STAB1: variants seen among roughly 807,000 people sequenced by gnomAD.
STAB1 encodes stabilin 1.
In STAB1, 250 loss-of-function variants were observed where a neutral mutation model predicts 332.4. The observed-to-expected ratio is 0.75, with a 90% confidence interval of 0.68 to 0.84. The LOEUF (loss-of-function observed/expected upper bound fraction) is 0.84. Among genes scored for constraint, STAB1 ranks in the 40% least tolerant of loss-of-function variants. The pLI is 0.00. For missense variants in STAB1, 3,249 were observed against 3,489.7 expected, an observed-to-expected ratio of 0.93 and a Z score of 1.74; for synonymous variants, 1,475 against 1,390.4, an observed-to-expected ratio of 1.06 and a Z score of -1.35.
rs756288346 is a variant in STAB1 at position 52,524,312 on chromosome 3, G to A, written c.7669G>A (p.Glu2557Lys). ...FCEPFDDSLL[E>K]EDFPDTQRIL... is the part of the protein sequence containing the mutation. ...CCTGCTCTTCTAGGACTCACTGCTG[G>A]AGGAGGACTTCCCTGACACCCAGAG... is the stretch of plus-strand genomic sequence containing the variant. The change falls in exon 69 of 69, where the codon GAG (glutamate) becomes AAG (lysine). Residue 2557 changes from glutamate to lysine, a missense_variant. Transcript: ENST00000321725. 2 of 1,613,808 alleles carry A rather than the reference G, an allele frequency of 1.2e-6. No individual in the cohort carries two copies. The highest frequency in any genetic ancestry group is 1.7e-6 in the Non-Finnish European group (2 of 1,180,022).
intron 1 of STAB1, among the ~76,000 whole-genome samples, chr3:52,500,119 G>C (rs1380785192): frequency 6.6e-6 from 1 of 152,030 alleles, no homozygotes; most frequent in Admixed American, 6.6e-5. Context: ...CCTGGACTCT[G>C]CCTCACCCAG....
chr3:52,524,479 G>A lies in STAB1; in HGVS notation c.*123G>A, dbSNP rs1225244181. 1 of 1,612,872 alleles carries A rather than the reference G, an allele frequency of 6.2e-7. No individual in the cohort carries two copies. Among genetic ancestry groups the A allele is most frequent in the Non-Finnish European group, 8.5e-7 (1 of 1,180,018 alleles). On this transcript the variant is annotated 3_prime_UTR_variant, in exon 69 of 69. Coordinates refer to ENST00000321725, the MANE Select transcript of STAB1 (RefSeq NM_015136.3). The stretch of plus-strand genomic sequence containing the variant: ...GACAATAAAGGTGCCCTCAGCGGAT[G>A]TGGGCCATGTCACCAAGGAAGGGGG...
rs1012592608 is a variant in STAB1 at position 52,524,477 on chromosome 3, A to G, written c.*121A>G. The G allele has an allele frequency of 3.7e-6, 6 of 1,612,672 alleles. No individual in the cohort carries two copies. Among genetic ancestry groups the G allele is most frequent in the Non-Finnish European group, 5.1e-6 (6 of 1,179,996 alleles). On this transcript the variant is annotated 3_prime_UTR_variant, in exon 69 of 69. Transcript: ENST00000321725. ...CAGACAATAAAGGTGCCCTCAGCGGATGTGGGCCATGTCACCAAGGAAGGG... is the reference window on the plus strand; with the variant it reads ...CAGACAATAAAGGTGCCCTCAGCGGGTGTGGGCCATGTCACCAAGGAAGGG...
Position 52,498,841 on chromosome 3 carries a change from T to C in STAB1, c.79-2325T>C, listed in dbSNP as rs1250547686. Among the ~76,000 whole-genome samples, 4 of 152,202 alleles carry C rather than the reference T, an allele frequency of 2.6e-5. No individual in the cohort carries two copies. The East Asian group carries it at 7.7e-4, about 29-fold the overall frequency. On this transcript the variant is annotated intron_variant, in intron 1 of 68. Transcript: ENST00000321725. ...CCCAATTTCCTAGTCTCTCCCTGGCTCAGCAAAGGCGAGCCTCAGGATGGG... is the reference window on the plus strand; with the variant it reads ...CCCAATTTCCTAGTCTCTCCCTGGCCCAGCAAAGGCGAGCCTCAGGATGGG...
intron 8 of STAB1, 65 bp from the exon 9 acceptor site, chr3:52,503,707 A>G (rs547302173): frequency 6.2e-7 from 1 of 1,603,900 alleles, no homozygotes; most frequent in East Asian, 2.2e-5. Context: ...CTCTATGGGT[A>G]GGGCAGACAC....
chr3:52,523,198 A>G, intron 63 of STAB1, 24 bp from the exon 64 acceptor site: 1 of 1,612,802 alleles, frequency 6.2e-7, no homozygotes, highest in Non-Finnish European at 8.5e-7. Flanking sequence ...GCCTGCTCAT[A>G]GTTCTGTCTT....
Position 52,501,746 on chromosome 3 carries a change from G to A in STAB1, c.324G>A (p.Arg108=). ...KACCPGYWGS[R]CHECPGGAET... The stretch of plus-strand genomic sequence containing the variant: ...GCTGCCCTGGCTACTGGGGTTCCCG[G>A]TGCCATGGTATGGGAGAAAGGGGGA... The change falls in exon 3 of 69, where the codon CGG becomes CGA. Residue 108 remains arginine, a synonymous_variant. Coordinates refer to ENST00000321725, the MANE Select transcript of STAB1 (RefSeq NM_015136.3). 1 of 1,561,070 alleles carries A rather than the reference G, an allele frequency of 6.4e-7. No individual in the cohort carries two copies. The highest frequency in any genetic ancestry group is 8.7e-7 in the Non-Finnish European group (1 of 1,153,344).
Position 52,523,228 on chromosome 3 carries a change from T to C in STAB1, c.7027T>C (p.Leu2343=). 3 of 1,613,226 alleles carry C rather than the reference T, an allele frequency of 1.9e-6. No homozygotes were observed. The highest frequency in any genetic ancestry group is 2.2e-5 in the East Asian group (1 of 44,886). The change falls in exon 64 of 69, where the codon TTG becomes CTG. Residue 2343 remains leucine, a synonymous_variant. Transcript: ENST00000321725. ...ANFSTFYGML[L]GYANATQRGL... is the part of the protein sequence containing the mutation. ...TGTCTTTCCACCGTGCCAGATGCTA[T>C]TGGGCTATGCCAATGCCACCCAGCG...
At position 52,517,895 on chromosome 3, in the gene STAB1, C is replaced by T. The variant is rs1352813766; in HGVS notation, c.4653C>T (p.Cys1551=). The change falls in exon 45 of 69, where the codon TGC becomes TGT. Residue 1551 remains cysteine (C), a synonymous_variant. Coordinates refer to ENST00000321725, the MANE Select transcript of STAB1 (RefSeq NM_015136.3). ...CCCTGACTCAGAACAATGGAGGATG[C>T]AGCCCATATGCCACCTGCAAAAGCA... ...LDPCSKNNGG[C]SPYATCKSTG... The T allele has an allele frequency of 2.5e-6, 4 of 1,611,742 alleles. No individual in the cohort carries two copies. Among genetic ancestry groups the T allele is most frequent in the Non-Finnish European group, 2.5e-6 (3 of 1,179,662 alleles).
Position 52,519,575 on chromosome 3 carries a change from C to A in STAB1, c.5235+11C>A, listed in dbSNP as rs572565119. On this transcript the variant is annotated intron_variant, in intron 50 of 68. Coordinates refer to ENST00000321725, the MANE Select transcript of STAB1 (RefSeq NM_015136.3). ...AGCGGCCTCCTGAAGGTACTGCTCC[C>A]GTGTGGGCCTGTCATTGTGGACACA... is the stretch of plus-strand genomic sequence containing the variant. 11 of 1,612,220 alleles carry A rather than the reference C, an allele frequency of 6.8e-6. No individual in the cohort carries two copies. In the East Asian group the frequency reaches 1.3e-4, roughly 20 times the overall value.
At chr3:52,504,295 C>A (rs1708681241) in intron 10 of STAB1, 140 bp downstream of exon 10, 2 of 1,442,946 alleles carry the variant, frequency 1.4e-6, no homozygotes, top group Non-Finnish European at 1.9e-6. Context: ...GGGGTGCATG[C>A]AGGGGGTGGG....
At chr3:52,517,274 G>C (rs975518408) in intron 42 of STAB1, 46 bp from the exon 43 acceptor site, 29 of 1,524,982 alleles carry the variant, frequency 1.9e-5, no homozygotes, top group Non-Finnish European at 2.5e-5. Context: ...CAGAGGAAGG[G>C]GGGGGCCACT....
chr3:52,515,048 G>A lies in STAB1; in HGVS notation c.3864+3G>A. ...GCACTCAGGGCTTCCAGCTGCAGGTGAGACTGGGCTTAGCGCAGCTCTGTC... is the reference window on the plus strand; with the variant it reads ...GCACTCAGGGCTTCCAGCTGCAGGTAAGACTGGGCTTAGCGCAGCTCTGTC... On this transcript the variant is annotated splice_donor_region_variant and intron_variant, in intron 36 of 68. Coordinates refer to ENST00000321725, the MANE Select transcript of STAB1 (RefSeq NM_015136.3). The A allele has an allele frequency of 6.2e-7, 1 of 1,613,404 alleles. No individual in the cohort carries two copies. Among genetic ancestry groups the A allele is most frequent in the Non-Finnish European group, 8.5e-7 (1 of 1,179,970 alleles).
intron 30 of STAB1, 27 bp from the exon 31 acceptor site, chr3:52,513,690 T>C: frequency 6.2e-7 from 1 of 1,607,660 alleles, no homozygotes; most frequent in Non-Finnish European, 8.5e-7. Context: ...TGCCCACCTG[T>C]GGCTAAGCTC....
chr3:52,517,205 C>G (rs1190569249), intron 42 of STAB1, 96 bp downstream of exon 42: 5 of 1,423,474 alleles, frequency 3.5e-6, no homozygotes, highest in Non-Finnish European at 4.7e-6. Context: ...GCACATGGGA[C>G]TTGTGGGGAC....
Position 52,517,378 on chromosome 3 carries a change from C to T in STAB1, c.4548C>T (p.Pro1516=), listed in dbSNP as rs2078907855. The part of the protein sequence containing the change: ...GGCHIHAECI[P]TGPQQVSCSC... ...GCCACATTCACGCCGAGTGCATCCC[C>T]ACTGGCCCCCAGCAGGTCAGCATGG... Residue 1516 remains proline, a synonymous_variant, in exon 43 of 69, where the codon CCC becomes CCT. Transcript: ENST00000321725. The T allele has an allele frequency of 6.2e-7, 1 of 1,604,452 alleles. No homozygotes were observed. The highest frequency in any genetic ancestry group is 8.5e-7 in the Non-Finnish European group (1 of 1,175,936).
At chr3:52,516,945 G>T (rs775618075) in intron 41 of STAB1, 39 bp from the exon 42 acceptor site, 1 of 1,608,838 alleles carries the variant, frequency 6.2e-7, no homozygotes, top group South Asian at 1.1e-5. Context: ...CTCCGGCCCC[G>T]TGCCTGCTCC....
At chr3:52,496,220 C>T (rs750574614) in intron 1 of STAB1, among the ~76,000 whole-genome samples, 19 of 152,240 alleles carry the variant, frequency 1.2e-4, no homozygotes, top group Non-Finnish European at 2.4e-4. Flanking sequence ...GCCAGCCCCT[C>T]GGTCAGGTCC....
In STAB1 at chr3:52,515,417, T is replaced by C; in HGVS notation, c.3865-6T>C. On this transcript the variant is annotated splice_region_variant and splice_polypyrimidine_tract_variant and intron_variant, in intron 36 of 68. Transcript: ENST00000321725. ...GCTGACCCCTCCTGCCTGTCCCCGT[T>C]TCCAGGACACACCCAGGAAGAGCTG... 1 of 1,612,766 alleles carries C rather than the reference T, an allele frequency of 6.2e-7. No homozygotes were observed. Among genetic ancestry groups the C allele is most frequent in the Non-Finnish European group, 8.5e-7 (1 of 1,179,974 alleles).
Sources: gnomAD v4.1 joint callset for allele counts (sites outside exome capture counted in the v4.1 genomes callset) on GRCh38, gnomAD v4.1.1 for gene constraint, MANE v1.5 for transcripts, NCBI Gene and HGNC (gene_info 2026-07-23, HGNC 2026-07-21) for gene names.